Variants in PAH observed in about 807,000 individuals in gnomAD.
PAH encodes the protein phenylalanine-4-hydroxylase.
Under a neutral mutation model 62.0 loss-of-function variants are expected in PAH, and 64 were observed. That is an observed-to-expected ratio of 1.03 (90% CI 0.84 to 1.27). PAH has a LOEUF of 1.27. Among genes scored for constraint, PAH ranks in the 50% most tolerant of loss-of-function variants. The probability of loss-of-function intolerance (pLI) is 0.00; values close to 1 mark genes in which losing one functional copy is unlikely to be tolerated. For synonymous variants in PAH, 195 were observed against 196.2 expected (o/e 0.99, Z 0.05); for missense variants, 579 against 542.8 (o/e 1.07, Z -0.66).
At chr12:102,882,319 GAGTCTTAAAAC>G (rs1242106347) in intron 3 of PAH, among the ~76,000 whole-genome samples, 5 of 152,152 alleles carry the variant, frequency 3.3e-5, no homozygotes, top group Non-Finnish European at 4.4e-5. Context: ...CAATGGTTAA[GAGTCTTAAAAC>G]AGCCAGACAG....
intron 5 of PAH, among the ~76,000 whole-genome samples, chr12:102,860,151 G>A (rs2136655733): frequency 6.6e-6 from 1 of 152,254 alleles, no homozygotes; most frequent in Admixed American, 6.5e-5. Context: ...CAAAATCAAT[G>A]TGCAAAAATC....
chr12:102,913,933 ACTGGG>A lies in PAH; in HGVS notation c.61-1040_61-1036del. 3 of 678,842 alleles carry A rather than the reference ACTGGG, an allele frequency of 4.4e-6. No homozygotes were observed. The Admixed American group carries it at 6.7e-5, about 15-fold the overall frequency. 42.1% of individuals were successfully genotyped at this position (678,842 alleles called of 1,614,324 possible). ...CCACAATAAGCAGCAGGTACCTAAA[ACTGGG>A]AAGAAAAAAATTTGCAGAACAATTA... On this transcript the variant is annotated intron_variant, in intron 1 of 12. Transcript: ENST00000553106.
intron 2 of PAH, among the ~76,000 whole-genome samples, chr12:102,901,212 C>T (rs1384472992): frequency 6.6e-6 from 1 of 152,148 alleles, no homozygotes; most frequent in Non-Finnish European, 1.5e-5. Context: ...CCCGTCTCCT[C>T]CTCCTCCTCT....
At chr12:102,928,580 G>C (rs1310227841) in intron 1 of PAH, among the ~76,000 whole-genome samples, 2 of 152,098 alleles carry the variant, frequency 1.3e-5, no homozygotes. Flanking sequence ...GACTTGGTAG[G>C]TTTGACCATT....
intron 4 of PAH, among the ~76,000 whole-genome samples, chr12:102,874,833 C>A (rs1876496348): frequency 1.3e-5 from 2 of 152,202 alleles, no homozygotes; most frequent in South Asian, 4.1e-4. Flanking sequence ...TCCTTTACTT[C>A]ATTTTTCAAA....
At chr12:102,925,912 A>C (rs1035413954) in intron 1 of PAH, among the ~76,000 whole-genome samples, 2 of 152,142 alleles carry the variant, frequency 1.3e-5, no homozygotes, top group African/African-American at 4.8e-5. Flanking sequence ...ATATATATAT[A>C]ATATACATTA....
At chr12:102,919,670 G>T (rs1878507215), upstream of PAH, among the ~76,000 whole-genome samples, 1 of 151,918 alleles carries the variant, frequency 6.6e-6, no homozygotes, top group Non-Finnish European at 1.5e-5. Flanking sequence ...TTGATTTTTA[G>T]ACCCCACATA....
At chr12:102,883,579 G>C (rs529696406) in intron 3 of PAH, among the ~76,000 whole-genome samples, 1 of 152,180 alleles carries the variant, frequency 6.6e-6, no homozygotes, top group Non-Finnish European at 1.5e-5. Flanking sequence ...GAGGATTCAA[G>C]TCTTTGTAAA....
intron 1 of PAH, among the ~76,000 whole-genome samples, chr12:102,924,031 G>A (rs558654541): frequency 3.9e-4 from 60 of 152,302 alleles, no homozygotes; most frequent in South Asian, 2.5e-3. Context: ...TCCAGAGGAC[G>A]TAGGCCAAGC....
chr12:102,875,573 A>T (rs765492951), intron 4 of PAH, among the ~76,000 whole-genome samples: 1 of 152,170 alleles, frequency 6.6e-6, no homozygotes, highest in Non-Finnish European at 1.5e-5. Flanking sequence ...GGGTACACAG[A>T]GCAGAATCCC....
intron 4 of PAH, among the ~76,000 whole-genome samples, chr12:102,872,506 C>A (rs1040940574): frequency 6.6e-6 from 1 of 152,146 alleles, no homozygotes; most frequent in African/African-American, 2.4e-5. Flanking sequence ...CTGACTGACT[C>A]TTAGAAGGAA....
intron 1 of PAH, chr12:102,914,026 G>A (rs533098504): frequency 1.1e-4 from 63 of 549,050 alleles, no homozygotes; most frequent in Non-Finnish European, 7.7e-5. Flanking sequence ...AATGAGAGAA[G>A]GCTGTGTTAG....
At chr12:102,878,040 G>A (rs1876650508) in intron 3 of PAH, among the ~76,000 whole-genome samples, 1 of 152,138 alleles carries the variant, frequency 6.6e-6, no homozygotes, top group Non-Finnish European at 1.5e-5. Context: ...TGACCAGGCT[G>A]GTCTCAAACT....
chr12:102,912,141 T>C (rs1331426716), intron 2 of PAH, among the ~76,000 whole-genome samples: 1 of 152,188 alleles, frequency 6.6e-6, no homozygotes, highest in Non-Finnish European at 1.5e-5. Context: ...CAACTTAGTA[T>C]AATTAGTTTT....
chr12:102,875,371 G>A lies in PAH; in HGVS notation c.441+2091C>T, dbSNP rs192353806. ...CCACTGTCCCAAATGAAAAGGGAGT[G>A]AAACGAATGGGAAGAATGCCGGTTT... On this transcript the variant is annotated intron_variant, in intron 4 of 12. Transcript: ENST00000553106. 2.8e-3 allele frequency among the ~76,000 whole-genome samples: 430 copies of A among 152,336 alleles called. 4 individuals are homozygous for A. The South Asian group carries it at 0.045, about 16-fold the overall frequency.
chr12:102,885,539 A>G (rs1877001061), intron 3 of PAH, among the ~76,000 whole-genome samples: 1 of 152,182 alleles, frequency 6.6e-6, no homozygotes, highest in Non-Finnish European at 1.5e-5. Flanking sequence ...GATCATTAAT[A>G]AATATTGATT....
At chr12:102,862,071 A>G (rs1339310361) in intron 5 of PAH, among the ~76,000 whole-genome samples, 1 of 152,214 alleles carries the variant, frequency 6.6e-6, no homozygotes, top group African/African-American at 2.4e-5. Context: ...CCAAAGGAAT[A>G]TAAATCATTC....
At chr12:102,841,816 G>C (rs7295979) in intron 11 of PAH, among the ~76,000 whole-genome samples, 4,855 of 152,206 alleles carry the variant, frequency 0.032, 294 homozygotes, top group African/African-American at 0.11. Flanking sequence ...GTGTGTATCA[G>C]TCCAGAAGTC....
intron 3 of PAH, among the ~76,000 whole-genome samples, chr12:102,880,553 A>G (rs2136683164): frequency 6.6e-6 from 1 of 152,298 alleles, no homozygotes; most frequent in East Asian, 1.9e-4. Context: ...TTCTGGCAGT[A>G]ACTGCTGCCC....
Sources: allele counts gnomAD v4.1 joint callset (sites outside exome capture counted in the v4.1 genomes callset), GRCh38; gene constraint gnomAD v4.1.1; transcripts MANE v1.5; gene names NCBI Gene and HGNC (gene_info 2026-07-23, HGNC 2026-07-21).